ERC1: variants seen among roughly 807,000 people sequenced by gnomAD.
The protein encoded by ERC1 is ELKS/RAB6-interacting/CAST family member 1.
In ERC1, 56 loss-of-function variants were observed where a neutral mutation model predicts 132.0. That is an observed-to-expected ratio of 0.42 (90% CI 0.34 to 0.53). The LOEUF (loss-of-function observed/expected upper bound fraction) is 0.53, where lower values mean the gene tolerates loss of function less well. Ranked by LOEUF, ERC1 falls within the 20% of genes least tolerant of loss-of-function variation. ERC1 has a pLI of 0.03. For synonymous variants in ERC1, 478 were observed against 476.1 expected, an observed-to-expected ratio of 1.00 and a Z score of -0.05; for missense variants, 1,202 against 1,349.9, an observed-to-expected ratio of 0.89 and a Z score of 1.72.
At chr12:1,118,370 A>T (rs1946687935) in intron 7 of ERC1, among the ~76,000 whole-genome samples, 1 of 152,112 alleles carries the variant, frequency 6.6e-6, no homozygotes, top group Non-Finnish European at 1.5e-5. Context: ...CCCTCAAATA[A>T]TATTCTTATT....
At position 1,495,440 on chromosome 12, in the gene ERC1, C is replaced by T. The variant is rs766355502; in HGVS notation, c.*5210C>T. On this transcript the variant is annotated 3_prime_UTR_variant, in exon 19 of 19. Coordinates refer to ENST00000360905, the MANE Select transcript of ERC1 (RefSeq NM_178040.4). ...CCTACTGAAGCCAGAGAATTCACCC[C>T]GGCCAAAGCAGGCCCTCTGGGTCCA... The T allele has an allele frequency of 9.6e-5, 22 of 228,492 alleles. No homozygotes were observed. The highest frequency in any genetic ancestry group is 1.5e-4 in the Non-Finnish European group (17 of 115,164). The allele number at this position is 228,492 out of a possible 1,614,324, so 14.2% of individuals were successfully genotyped here.
intron 6 of ERC1, among the ~76,000 whole-genome samples, chr12:1,114,181 GC>G (rs1249997621): frequency 3.9e-5 from 6 of 151,920 alleles, no homozygotes; most frequent in African/African-American, 1.5e-4. Context: ...GCGCCACCAT[GC>G]CCAGCTGATT....
intron 3 of ERC1, among the ~76,000 whole-genome samples, chr12:1,095,195 T>C (rs1471397593): frequency 6.6e-6 from 1 of 151,956 alleles, no homozygotes; most frequent in Non-Finnish European, 1.5e-5. Context: ...TTTGGGAGGC[T>C]TAGGTGGGCA....
chr12:1,177,221 G>C (rs1168497733), intron 8 of ERC1, among the ~76,000 whole-genome samples: 1 of 152,124 alleles, frequency 6.6e-6, no homozygotes, highest in Non-Finnish European at 1.5e-5. Flanking sequence ...TCAGCAATAA[G>C]GTTGATTTCT....
At chr12:1,394,251 T>C (rs957295985) in intron 16 of ERC1, among the ~76,000 whole-genome samples, 3 of 150,968 alleles carry the variant, frequency 2.0e-5, no homozygotes, top group East Asian at 2.0e-4. Flanking sequence ...ATACAAAAAA[T>C]TAGCCAGGCG....
rs149954070 is a variant in ERC1, at chr12:1,318,928, A to G, written c.2780+28916A>G. 7.8e-3 allele frequency among the ~76,000 whole-genome samples: 1,180 copies of G among 152,250 alleles called. 12 individuals are homozygous for G. Among genetic ancestry groups the G allele is most frequent in the African/African-American group, 0.026 (1,073 of 41,550 alleles). On this transcript the variant is annotated intron_variant, in intron 15 of 18. Transcript: ENST00000360905. ...AGCAGCTCCAAGCAACAGTCTCTCC[A>G]AGTTAACTGCCAGAAATTTACTGTG... is the stretch of plus-strand genomic sequence containing the variant.
At chr12:1,193,768 G>T (rs1488326502) in intron 12 of ERC1, among the ~76,000 whole-genome samples, 1 of 152,110 alleles carries the variant, frequency 6.6e-6, no homozygotes, top group Non-Finnish European at 1.5e-5. Context: ...CTTTCCAAAG[G>T]ATTCATTTAT....
At chr12:1,272,866 T>G (rs1333763005) in intron 14 of ERC1, among the ~76,000 whole-genome samples, 1 of 149,316 alleles carries the variant, frequency 6.7e-6, no homozygotes, top group Non-Finnish European at 1.5e-5. Context: ...GAGAATTGCT[T>G]GAACCCGGGC....
chr12:1,121,640 G>GATCTGT lies in ERC1; in HGVS notation c.1569+5611_1569+5612insGTATCT, dbSNP rs1414611617. On this transcript the variant is annotated intron_variant, in intron 7 of 18. Transcript: ENST00000360905. ...AGTGGCAAATGAAACAAAGGCTGAT[G>GATCTGT]ATCTCTATCTCTATCTCTATCTCTA... Among the ~76,000 whole-genome samples the GATCTGT allele has an allele frequency of 3.9e-4, 35 of 88,622 alleles. 2 individuals carry two copies. Among genetic ancestry groups the GATCTGT allele is most frequent in the African/African-American group, 1.4e-3 (34 of 24,044 alleles). The allele number at this position is 88,622 out of a possible 152,430, so 58.1% of individuals were successfully genotyped here.
At chr12:1,312,193 G>A (rs2081357645) in intron 15 of ERC1, among the ~76,000 whole-genome samples, 1 of 152,020 alleles carries the variant, frequency 6.6e-6, no homozygotes, top group Non-Finnish European at 1.5e-5. Context: ...ACCCCATATT[G>A]ACTTTTTCTT....
chr12:1,108,718 T>C (rs938394008), intron 4 of ERC1, among the ~76,000 whole-genome samples: 3 of 152,216 alleles, frequency 2.0e-5, no homozygotes, highest in African/African-American at 7.2e-5. Flanking sequence ...ACTCTGATTG[T>C]ATTAATTCAG....
At chr12:1,133,317 G>A (rs535429931) in intron 7 of ERC1, among the ~76,000 whole-genome samples, 2 of 152,306 alleles carry the variant, frequency 1.3e-5, no homozygotes, top group South Asian at 2.1e-4. Flanking sequence ...TTTCTGACAT[G>A]TATACTTTTC....
At chr12:1,478,944 T>A (rs756505556) in intron 18 of ERC1, among the ~76,000 whole-genome samples, 1 of 152,234 alleles carries the variant, frequency 6.6e-6, no homozygotes, top group African/African-American at 2.4e-5. Flanking sequence ...TTCTTGTAAA[T>A]GCTTTATTGT....
At chr12:1,483,495 A>G (rs1034558643) in intron 18 of ERC1, among the ~76,000 whole-genome samples, 1 of 151,940 alleles carries the variant, frequency 6.6e-6, no homozygotes, top group African/African-American at 2.4e-5. Flanking sequence ...TTCCCTTCTT[A>G]AGGTCGTAGA....
At chr12:1,031,654 A>G (rs1407933027) in intron 2 of ERC1, among the ~76,000 whole-genome samples, 1 of 152,210 alleles carries the variant, frequency 6.6e-6, no homozygotes, top group Non-Finnish European at 1.5e-5. Context: ...GTCACTACTC[A>G]AAATTTGAAT....
intron 15 of ERC1, among the ~76,000 whole-genome samples, chr12:1,321,197 A>G (rs2082092977): frequency 2.0e-5 from 3 of 152,244 alleles, no homozygotes; most frequent in African/African-American, 7.2e-5. Flanking sequence ...ATAAACATTT[A>G]ATTTACTCTG....
chr12:1,189,720 A>G, intron 11 of ERC1, 139 bp from the exon 12 acceptor site: 1 of 604,618 alleles, frequency 1.7e-6, no homozygotes, highest in East Asian at 2.8e-5. Flanking sequence ...AAGCAGATAA[A>G]AACCTTATAA....
intron 15 of ERC1, among the ~76,000 whole-genome samples, chr12:1,294,616 CT>C (rs1205107479): frequency 6.6e-6 from 1 of 152,062 alleles, no homozygotes; most frequent in Non-Finnish European, 1.5e-5. Flanking sequence ...CTTATCTTTT[CT>C]TTTTTTCTCT....
intron 2 of ERC1, among the ~76,000 whole-genome samples, chr12:1,051,525 A>ACC (rs1565865235): frequency 3.0e-5 from 4 of 132,906 alleles, no homozygotes; most frequent in African/African-American, 1.2e-4. Context: ...CCTCGTCTCT[A>ACC]CCCCAAAAAA....
Sources: allele counts gnomAD v4.1 joint callset (sites outside exome capture counted in the v4.1 genomes callset), GRCh38; gene constraint gnomAD v4.1.1; transcripts MANE v1.5; gene names NCBI Gene and HGNC (gene_info 2026-07-23, HGNC 2026-07-21).